Variants in GALNT17 observed in about 807,000 individuals in gnomAD.
GALNT17 encodes the protein UDP-GalNAc:polypeptide N-acetylgalactosaminyltransferase-like 3.
GALNT17 carries 29 observed loss-of-function variants against 63.7 expected under a neutral mutation model. That is an observed-to-expected ratio of 0.46 (90% CI 0.34 to 0.62). The LOEUF is 0.62. Among genes scored for constraint, GALNT17 ranks in the 20% least tolerant of loss-of-function variants. The pLI is 0.01. For synonymous variants in GALNT17, 305 were observed against 318.3 expected, an observed-to-expected ratio of 0.96 and a Z score of 0.45; for missense variants, 603 against 799.6, an observed-to-expected ratio of 0.75 and a Z score of 2.97.
chr7:71,282,019 C>T (rs185969246), intron 1 of GALNT17, among the ~76,000 whole-genome samples: 26 of 152,280 alleles, frequency 1.7e-4, no homozygotes, highest in African/African-American at 6.0e-4. Flanking sequence ...CCTCAATGTT[C>T]TCCAAGCCTC....
chr7:71,449,108 C>CTTTTTTT (rs59368494), intron 5 of GALNT17, among the ~76,000 whole-genome samples: 7,483 of 72,494 alleles, frequency 0.1, 1,993 homozygotes, highest in African/African-American at 0.26. Context: ...TGCCTATTTT[C>CTTTTTTT]TTTTTTTTTT....
chr7:71,535,667 A>G (rs901277799), intron 5 of GALNT17, among the ~76,000 whole-genome samples: 1 of 152,208 alleles, frequency 6.6e-6, no homozygotes, highest in Non-Finnish European at 1.5e-5. Flanking sequence ...TGGCCTGATA[A>G]TGACTCTACT....
intron 1 of GALNT17, among the ~76,000 whole-genome samples, chr7:71,296,614 TA>T (rs1244266602): frequency 8.8e-4 from 108 of 122,156 alleles, no homozygotes; most frequent in Middle Eastern, 8.1e-3. Context: ...AGACTCCATC[TA>T]AAAAAAAAAA....
intron 1 of GALNT17, among the ~76,000 whole-genome samples, chr7:71,158,964 A>G (rs746705084): frequency 4.0e-5 from 6 of 151,792 alleles, no homozygotes; most frequent in Non-Finnish European, 7.3e-5. Context: ...TGGTAGTACA[A>G]TTTTTATATT....
intron 1 of GALNT17, among the ~76,000 whole-genome samples, chr7:71,145,585 A>G (rs542043342): frequency 4.6e-5 from 7 of 152,348 alleles, no homozygotes; most frequent in African/African-American, 1.7e-4. Context: ...ATGAGCAAGC[A>G]GGTCAGAGAA....
At chr7:71,263,650 G>A (rs904842138) in intron 1 of GALNT17, among the ~76,000 whole-genome samples, 3 of 152,232 alleles carry the variant, frequency 2.0e-5, no homozygotes, top group East Asian at 3.9e-4. Flanking sequence ...CTGGCCGGGA[G>A]CGGTGGCTCA....
At chr7:71,528,541 A>G (rs980708379) in intron 5 of GALNT17, among the ~76,000 whole-genome samples, 21 of 152,156 alleles carry the variant, frequency 1.4e-4, no homozygotes, top group African/African-American at 5.1e-4. Flanking sequence ...GACCCAGGCC[A>G]AAGAGTAGTA....
chr7:71,615,253 T>C (rs1584091111), intron 6 of GALNT17, among the ~76,000 whole-genome samples: 1 of 152,130 alleles, frequency 6.6e-6, no homozygotes. Context: ...AGTGGCTCAA[T>C]TGGGACTTTA....
At chr7:71,699,476 A>C (rs749355310) in intron 9 of GALNT17, among the ~76,000 whole-genome samples, 257 of 70,950 alleles carry the variant, frequency 3.6e-3, no homozygotes, top group Middle Eastern at 8.5e-3. Flanking sequence ...ACTCTGTCTC[A>C]AAAAAAAAAA....
chr7:71,277,535 A>G (rs1033190067), intron 1 of GALNT17, among the ~76,000 whole-genome samples: 2 of 152,234 alleles, frequency 1.3e-5, no homozygotes, highest in Non-Finnish European at 2.9e-5. Context: ...CAAAACAGCA[A>G]GGTAACTTGT....
chr7:71,711,582 TTC>T lies in GALNT17; in HGVS notation c.1669-432_1669-431del, dbSNP rs547467442. ...CTCTCTCTCCCTTTCTCTCTTTCTCTTCTCTGTCTTGTCTCTCCTCTATCTCC... is the reference window on the plus strand; with the variant it reads ...CTCTCTCTCCCTTTCTCTCTTTCTCTTCTGTCTTGTCTCTCCTCTATCTCC... On this transcript the variant is annotated intron_variant, in intron 10 of 10. Coordinates refer to ENST00000333538, the MANE Select transcript of GALNT17 (RefSeq NM_022479.3). 5.9e-4 allele frequency among the ~76,000 whole-genome samples: 89 copies of T among 151,302 alleles called. 1 individual carries two copies. Among genetic ancestry groups the T allele is most frequent in the African/African-American group, 2.0e-3 (83 of 41,256 alleles).
rs113268035 is a variant in GALNT17 at position 71,156,657 on chromosome 7, C to G, written c.238+23617C>G. On this transcript the variant is annotated intron_variant, in intron 1 of 10. Transcript: ENST00000333538. The stretch of plus-strand genomic sequence containing the variant: ...TTCCTTCCCTTCCCCTCCCTGCCTC[C>G]CTTCCTTCTTCCCTCCCTCCCTCCC... Among the ~76,000 whole-genome samples the G allele has an allele frequency of 5.2e-3, 756 of 145,520 alleles. 23 individuals are homozygous for G. Among genetic ancestry groups the G allele is most frequent in the African/African-American group, 0.019 (716 of 37,224 alleles).
At chr7:71,545,549 AC>A (rs1788968720) in intron 5 of GALNT17, among the ~76,000 whole-genome samples, 1 of 152,084 alleles carries the variant, frequency 6.6e-6, no homozygotes, top group Admixed American at 6.5e-5. Flanking sequence ...ATGGGGTTTC[AC>A]CATATTGGCT....
intron 1 of GALNT17, among the ~76,000 whole-genome samples, chr7:71,331,614 G>A (rs532272952): frequency 7.2e-5 from 11 of 152,062 alleles, no homozygotes; most frequent in Non-Finnish European, 1.3e-4. Flanking sequence ...GGGAGGCCGA[G>A]GCAGGAGGAT....
intron 3 of GALNT17, among the ~76,000 whole-genome samples, chr7:71,402,440 A>AT (rs1238457061): frequency 9.9e-5 from 15 of 152,128 alleles, no homozygotes; most frequent in Non-Finnish European, 5.9e-5. Flanking sequence ...ATGTGCAGAG[A>AT]TTTTTTTCCC....
chr7:71,665,607 C>T lies in GALNT17; in HGVS notation c.1266+11C>T. 6.2e-7 allele frequency: 1 copy of T among 1,610,928 alleles called. No homozygotes were observed. The highest frequency in any genetic ancestry group is 8.5e-7 in the Non-Finnish European group (1 of 1,179,000). ...AACCTGCCGCTGGAGGTAGGGATCA[C>T]CAGCCTTTCCCCACCACCCCAGTAC... On this transcript the variant is annotated intron_variant, in intron 7 of 10. Coordinates refer to ENST00000333538, the MANE Select transcript of GALNT17 (RefSeq NM_022479.3).
chr7:71,195,935 A>G (rs575448971), intron 1 of GALNT17, among the ~76,000 whole-genome samples: 1 of 152,130 alleles, frequency 6.6e-6, no homozygotes, highest in African/African-American at 2.4e-5. Flanking sequence ...CCCAATAAAA[A>G]TCTTGCATAC....
chr7:71,219,283 G>A (rs1230048829), intron 1 of GALNT17, among the ~76,000 whole-genome samples: 1 of 152,224 alleles, frequency 6.6e-6, no homozygotes, highest in East Asian at 1.9e-4. Context: ...GTCATTAAGA[G>A]TGATGAAGAG....
chr7:71,538,711 T>C (rs1471732530), intron 5 of GALNT17, among the ~76,000 whole-genome samples: 1 of 152,114 alleles, frequency 6.6e-6, no homozygotes, highest in African/African-American at 2.4e-5. Flanking sequence ...CTGCAGCTTC[T>C]GCTCCACTCT....
Sources: gnomAD v4.1 joint callset for allele counts (sites outside exome capture counted in the v4.1 genomes callset) on GRCh38, gnomAD v4.1.1 for gene constraint, MANE v1.5 for transcripts, NCBI Gene and HGNC (gene_info 2026-07-23, HGNC 2026-07-21) for gene names.